LRRTM4: variants seen among roughly 807,000 people sequenced by gnomAD.
The protein encoded by LRRTM4 is leucine-rich repeat transmembrane neuronal protein 4.
A neutral mutation model predicts 47.6 loss-of-function variants in LRRTM4; 25 were observed. That is an observed-to-expected ratio of 0.53 (90% CI 0.38 to 0.73). LRRTM4 has a LOEUF of 0.73. Among genes scored for constraint, LRRTM4 ranks in the 30% least tolerant of loss-of-function variants. The pLI, the probability that LRRTM4 is intolerant of heterozygous loss-of-function variation, is 0.00. For missense variants in LRRTM4, 638 were observed against 713.4 expected, an observed-to-expected ratio of 0.89 and a Z score of 1.20; for synonymous variants, 311 against 269.5, an observed-to-expected ratio of 1.15 and a Z score of -1.51.
chr2:77,371,147 G>T (rs576932415), intron 3 of LRRTM4, among the ~76,000 whole-genome samples: 1 of 151,794 alleles, frequency 6.6e-6, no homozygotes, highest in South Asian at 2.1e-4. Context: ...TAGTTAAGAT[G>T]TGAGACAGAC....
At chr2:76,976,942 C>T (rs2103956392) in intron 3 of LRRTM4, among the ~76,000 whole-genome samples, 1 of 151,868 alleles carries the variant, frequency 6.6e-6, no homozygotes, top group Non-Finnish European at 1.5e-5. Flanking sequence ...CGAAATATCA[C>T]TCTACATCCC....
chr2:77,015,373 G>A (rs1678025745), intron 3 of LRRTM4, among the ~76,000 whole-genome samples: 1 of 152,020 alleles, frequency 6.6e-6, no homozygotes, highest in Admixed American at 6.6e-5. Flanking sequence ...GTCTTGCTCT[G>A]TCACTCAGGC....
chr2:76,964,274 T>C (rs1166022484), intron 3 of LRRTM4, among the ~76,000 whole-genome samples: 2 of 151,082 alleles, frequency 1.3e-5, no homozygotes, highest in Non-Finnish European at 3.0e-5. Flanking sequence ...ACTCTTCAGA[T>C]ATGCAAGACT....
chr2:76,830,332 A>T (rs1671311169), intron 3 of LRRTM4, among the ~76,000 whole-genome samples: 1 of 151,940 alleles, frequency 6.6e-6, no homozygotes, highest in South Asian at 2.1e-4. Flanking sequence ...CTTTTCTTTA[A>T]ATATCTACAC....
chr2:77,036,623 T>C (rs1678846679), intron 3 of LRRTM4, among the ~76,000 whole-genome samples: 1 of 151,750 alleles, frequency 6.6e-6, no homozygotes, highest in African/African-American at 2.4e-5. Flanking sequence ...AAATATTACG[T>C]ATTCTGTGGA....
At chr2:76,784,469 A>T (rs967664204) in intron 3 of LRRTM4, among the ~76,000 whole-genome samples, 7 of 152,116 alleles carry the variant, frequency 4.6e-5, no homozygotes, top group Non-Finnish European at 1.0e-4. Context: ...TAGATATATT[A>T]TACATAGATA....
At chr2:77,188,757 C>G (rs1673583021) in intron 3 of LRRTM4, among the ~76,000 whole-genome samples, 1 of 152,180 alleles carries the variant, frequency 6.6e-6, no homozygotes, top group South Asian at 2.1e-4. Flanking sequence ...TACTGGTCTG[C>G]TCTGCCCTCC....
intron 3 of LRRTM4, among the ~76,000 whole-genome samples, chr2:77,384,591 A>T (rs1673192250): frequency 6.6e-6 from 1 of 152,066 alleles, no homozygotes; most frequent in Non-Finnish European, 1.5e-5. Flanking sequence ...AAAATGAAAA[A>T]AATGGCATTT....
intron 3 of LRRTM4, among the ~76,000 whole-genome samples, chr2:76,827,353 C>T (rs745816363): frequency 6.6e-6 from 1 of 151,700 alleles, no homozygotes; most frequent in Non-Finnish European, 1.5e-5. Context: ...ACGCCAGGGG[C>T]CTTTGCAGAC....
At chr2:76,861,841 C>T (rs1294227754) in intron 3 of LRRTM4, among the ~76,000 whole-genome samples, 3 of 152,030 alleles carry the variant, frequency 2.0e-5, no homozygotes, top group South Asian at 2.1e-4. Context: ...TACTCTTAAA[C>T]GTAGAATGAC....
chr2:76,942,513 A>G (rs192399086), intron 3 of LRRTM4, among the ~76,000 whole-genome samples: 673 of 138,680 alleles, frequency 4.9e-3, no homozygotes, highest in Non-Finnish European at 8.0e-3. Flanking sequence ...TTTTTGCGAT[A>G]AAAACATTCT....
chr2:77,355,771 A>G (rs1210263692), intron 3 of LRRTM4, among the ~76,000 whole-genome samples: 1 of 152,084 alleles, frequency 6.6e-6, no homozygotes, highest in African/African-American at 2.4e-5. Flanking sequence ...ACATGTGTCA[A>G]CTCTCTTTGG....
chr2:77,149,392 C>A (rs1573010729), intron 3 of LRRTM4, among the ~76,000 whole-genome samples: 1 of 151,854 alleles, frequency 6.6e-6, no homozygotes, highest in African/African-American at 2.4e-5. Flanking sequence ...TCCCATTATA[C>A]TTCTATTGGA....
At chr2:77,194,198 T>C (rs563108239) in intron 3 of LRRTM4, among the ~76,000 whole-genome samples, 40 of 152,184 alleles carry the variant, frequency 2.6e-4, no homozygotes, top group African/African-American at 8.4e-4. Context: ...ATCTTGAGTA[T>C]GGCAGAGAAG....
chr2:77,245,212 C>CT (rs60129658), intron 3 of LRRTM4, among the ~76,000 whole-genome samples: 82,590 of 151,310 alleles, frequency 0.55, 22,861 homozygotes, highest in African/African-American at 0.6. Context: ...AGAAATAATA[C>CT]TTTAAATGTA....
At chr2:76,948,744 A>G (rs961336717) in intron 3 of LRRTM4, among the ~76,000 whole-genome samples, 3 of 151,844 alleles carry the variant, frequency 2.0e-5, no homozygotes, top group African/African-American at 7.2e-5. Flanking sequence ...ATTTGCCACA[A>G]GTTATAAGGA....
At chr2:77,302,850 A>G (rs1677167229) in intron 3 of LRRTM4, among the ~76,000 whole-genome samples, 1 of 152,192 alleles carries the variant, frequency 6.6e-6, no homozygotes, top group Admixed American at 6.5e-5. Flanking sequence ...TTGTGTGAAG[A>G]CAATGTCAGG....
At chr2:76,763,359 T>C (rs545463717) in intron 3 of LRRTM4, among the ~76,000 whole-genome samples, 10 of 152,176 alleles carry the variant, frequency 6.6e-5, no homozygotes, top group Non-Finnish European at 1.3e-4. Context: ...ACAAGGTGGG[T>C]TCCTGATCTG....
chr2:77,451,065 G>A (rs1211159347), intron 3 of LRRTM4, among the ~76,000 whole-genome samples: 1 of 152,110 alleles, frequency 6.6e-6, no homozygotes, highest in Non-Finnish European at 1.5e-5. Flanking sequence ...TTCCCTTGGA[G>A]AGTATCATAT....
Sources: allele counts gnomAD v4.1 joint callset (sites outside exome capture counted in the v4.1 genomes callset), GRCh38; gene constraint gnomAD v4.1.1; transcripts MANE v1.5; gene names NCBI Gene and HGNC (gene_info 2026-07-23, HGNC 2026-07-21).